The following TTC39C variants were observed in gnomAD, a reference collection of about 807,000 sequenced individuals.
The protein encoded by TTC39C is tetratricopeptide repeat protein 39C.
In TTC39C, 33 loss-of-function variants were observed where a neutral mutation model predicts 76.3. That is an observed-to-expected ratio of 0.43 (90% CI 0.33 to 0.58). The LOEUF (loss-of-function observed/expected upper bound fraction) is 0.58, where lower values mean the gene tolerates loss of function less well. Ranked by LOEUF, TTC39C falls within the 20% of genes least tolerant of loss-of-function variation. The pLI is 0.04. For missense variants in TTC39C, 595 were observed against 701.4 expected (o/e 0.85, Z 1.71); for synonymous variants, 254 against 260.6 (o/e 0.97, Z 0.24).
chr18:24,056,537 T>C lies in TTC39C; in HGVS notation c.168-7603T>C, dbSNP rs150495423. ...GCTTACCTGAGTGAGAAATGTTCCTTTGAGAATCAAATATATACATTCTCT... is the reference window on the plus strand; with the variant it reads ...GCTTACCTGAGTGAGAAATGTTCCTCTGAGAATCAAATATATACATTCTCT... On this transcript the variant is annotated intron_variant, in intron 1 of 13. Coordinates refer to ENST00000317571, the MANE Select transcript of TTC39C (RefSeq NM_001135993.2). Among the ~76,000 whole-genome samples, 594 of 151,342 alleles carry C rather than the reference T, an allele frequency of 3.9e-3. 3 individuals carry two copies. The highest frequency in any genetic ancestry group is 0.014 in the African/African-American group (562 of 41,284).
At chr18:24,019,936 C>A (rs201772897) in intron 1 of TTC39C, 1 of 1,517,976 alleles carries the variant, frequency 6.6e-7, no homozygotes, top group South Asian at 1.2e-5. Context: ...GATGTTGAGT[C>A]AGCAGGCCTC....
intron 10 of TTC39C, among the ~76,000 whole-genome samples, chr18:24,125,940 C>T (rs1268277878): frequency 6.6e-6 from 1 of 152,166 alleles, no homozygotes; most frequent in Non-Finnish European, 1.5e-5. Context: ...GTAATCCCAG[C>T]ACTTTGAAAG....
chr18:24,118,728 C>T (rs2084927618), intron 8 of TTC39C, among the ~76,000 whole-genome samples: 1 of 151,326 alleles, frequency 6.6e-6, no homozygotes. Flanking sequence ...TCACAGCTCA[C>T]TATAGCCTCA....
At chr18:24,060,381 G>A (rs544104565) in intron 1 of TTC39C, among the ~76,000 whole-genome samples, 14 of 139,678 alleles carry the variant, frequency 1.0e-4, no homozygotes, top group African/African-American at 2.3e-4. Context: ...GCAGTGGCGC[G>A]ATCTCGGCTC....
intron 11 of TTC39C, 122 bp downstream of exon 11, chr18:24,129,105 C>A: frequency 3.3e-6 from 2 of 614,454 alleles, no homozygotes; most frequent in Non-Finnish European, 5.3e-6. Flanking sequence ...AAACTTTATC[C>A]AATTATTTGA....
rs564533056 is a variant in TTC39C, at chr18:24,119,972, C to G, written c.1186+1740C>G. ...ATAGAGGAACATTAATTCCCCCCCCCCAATATTTGGCAATCCCAGAACCAT... is the reference window on the plus strand; with the variant it reads ...ATAGAGGAACATTAATTCCCCCCCCGCAATATTTGGCAATCCCAGAACCAT... On this transcript the variant is annotated intron_variant, in intron 8 of 13. Transcript: ENST00000317571. Among the ~76,000 whole-genome samples, 692 of 151,092 alleles carry G rather than the reference C, an allele frequency of 4.6e-3. 4 individuals are homozygous for G. Among genetic ancestry groups the G allele is most frequent in the African/African-American group, 0.013 (549 of 41,286 alleles).
chr18:24,113,929 G>A (rs777158578), intron 6 of TTC39C: 6 of 485,072 alleles, frequency 1.2e-5, no homozygotes, highest in Middle Eastern at 1.1e-3. Flanking sequence ...CTGAAGTGTC[G>A]GGAGAGGAGA....
In TTC39C at chr18:24,069,182, C is replaced by G; in HGVS notation, c.371C>G (p.Ser124Cys). Residue 124 changes from serine (S) to cysteine (C), a missense_variant, in exon 4 of 14, where the codon TCT becomes TGT. By Grantham distance (112) the Ser-to-Cys change is moderately radical. Coordinates refer to ENST00000317571, the MANE Select transcript of TTC39C (RefSeq NM_001135993.2). ...GTTGATGTCCGAAAATCCGCCCCCT[C>G]TATGGTTGATCGGCTTCAGAGGCAG... ...KNVDVRKSAPSMVDRLQRQII... is the reference protein window; with the variant it reads ...KNVDVRKSAPCMVDRLQRQII... The G allele has an allele frequency of 6.2e-7, 1 of 1,614,098 alleles. No individual in the cohort carries two copies. The highest frequency in any genetic ancestry group is 8.5e-7 in the Non-Finnish European group (1 of 1,179,928).
At chr18:23,996,308 A>G (rs2083260903) in intron 1 of TTC39C, among the ~76,000 whole-genome samples, 1 of 152,214 alleles carries the variant, frequency 6.6e-6, no homozygotes, top group Non-Finnish European at 1.5e-5. Context: ...AAACTTCCCT[A>G]AGTGTATCTA....
intron 6 of TTC39C, among the ~76,000 whole-genome samples, chr18:24,104,575 G>T (rs139446604): frequency 5.8e-4 from 89 of 152,226 alleles, no homozygotes; most frequent in African/African-American, 2.1e-3. Context: ...TTTATTGTCT[G>T]CCCCTCCCCA....
intron 1 of TTC39C, among the ~76,000 whole-genome samples, chr18:24,053,594 A>G (rs2083979536): frequency 6.6e-6 from 1 of 152,242 alleles, no homozygotes; most frequent in Admixed American, 6.5e-5. Context: ...ACAAATTTGG[A>G]AAACATAGCT....
In TTC39C at chr18:24,083,063, A is replaced by G; in HGVS notation, c.966A>G (p.Gly322=). ...CTTCCCTCTTTATGTTTTTCAAGGG[A>G]CGGATACAACGACTAGAGGTACTGT... is the stretch of plus-strand genomic sequence containing the variant. The part of the protein sequence containing the change: ...PNSSLFMFFK[G]RIQRLECQIN... The change falls in exon 6 of 14, where the codon GGA becomes GGG. Residue 322 remains glycine, a synonymous_variant. Transcript: ENST00000317571. 6.2e-7 allele frequency: 1 copy of G among 1,613,964 alleles called. No homozygotes were observed. The highest frequency in any genetic ancestry group is 8.5e-7 in the Non-Finnish European group (1 of 1,179,908).
intron 8 of TTC39C, among the ~76,000 whole-genome samples, chr18:24,121,639 G>A (rs1038426703): frequency 6.6e-6 from 1 of 152,114 alleles, no homozygotes; most frequent in Non-Finnish European, 1.5e-5. Flanking sequence ...GTTCTTCAGG[G>A]TCTGAGGTAT....
chr18:24,081,121 C>T (rs1329287324), intron 5 of TTC39C, among the ~76,000 whole-genome samples, 182 bp downstream of exon 5: 1 of 152,140 alleles, frequency 6.6e-6, no homozygotes, highest in Non-Finnish European at 1.5e-5. Flanking sequence ...TGGTTCTAAG[C>T]TGACTTTAGT....
intron 6 of TTC39C, among the ~76,000 whole-genome samples, chr18:24,083,682 T>C (rs1036360102): frequency 1.5e-4 from 23 of 152,222 alleles, no homozygotes; most frequent in African/African-American, 5.5e-4. Context: ...TTCAAGCAAC[T>C]TCCTGTGCTT....
intron 1 of TTC39C, among the ~76,000 whole-genome samples, chr18:23,993,249 C>T (rs1006044248): frequency 3.3e-5 from 5 of 152,274 alleles, no homozygotes; most frequent in Admixed American, 1.3e-4. Context: ...TCCATAAAAA[C>T]GTGGCAAGAC....
intron 2 of TTC39C, 74 bp downstream of exon 2, chr18:24,064,262 G>A (rs2084138248): frequency 1.3e-6 from 2 of 1,538,958 alleles, no homozygotes; most frequent in Non-Finnish European, 1.8e-6. Flanking sequence ...GTGGCTACCA[G>A]TTGTATAGAT....
chr18:24,001,729 T>C (rs1276421244), intron 1 of TTC39C: 2 of 152,168 alleles, frequency 1.3e-5, no homozygotes, highest in Non-Finnish European at 2.9e-5. Context: ...ATTTTCCAAG[T>C]TCATGAAAAT....
rs1599317910 is a variant in TTC39C, at chr18:24,092,373, T to C, written c.984+9292T>C. On this transcript the variant is annotated intron_variant, in intron 6 of 13. Transcript: ENST00000317571. The stretch of plus-strand genomic sequence containing the variant: ...GACCCAGTTCAACAGTTCCTCAAAA[T>C]GTCAAACTATATGAAACAGCAATTT... 2.0e-5 allele frequency among the ~76,000 whole-genome samples: 3 copies of C among 152,014 alleles called. No homozygotes were observed. In the South Asian group the frequency reaches 6.2e-4, roughly 32 times the overall value.
Sources: gnomAD v4.1 joint callset for allele counts (sites outside exome capture counted in the v4.1 genomes callset) on GRCh38, gnomAD v4.1.1 for gene constraint, MANE v1.5 for transcripts, NCBI Gene and HGNC (gene_info 2026-07-23, HGNC 2026-07-21) for gene names.